The following HIBCH variants were observed in gnomAD, a reference collection of about 807,000 sequenced individuals.
The protein encoded by HIBCH is 3-hydroxyisobutyryl-CoA hydrolase.
In HIBCH, 50 loss-of-function variants were observed where a neutral mutation model predicts 58.2. The observed-to-expected ratio is 0.86, with a 90% CI of 0.68 to 1.09. The LOEUF is 1.09. Among genes scored for constraint, HIBCH ranks in the 50% least tolerant of loss-of-function variants. HIBCH has a pLI of 0.00. For synonymous variants in HIBCH, 151 were observed against 146.9 expected (o/e 1.03, Z -0.20); for missense variants, 450 against 449.7 (o/e 1.00, Z -0.01).
In HIBCH at chr2:190,221,078, C is replaced by G. The variant is rs1250162624; in HGVS notation, c.892-8003G>C. On this transcript the variant is annotated intron_variant, in intron 11 of 13. Coordinates refer to ENST00000359678, the MANE Select transcript of HIBCH (RefSeq NM_014362.4). ...GAAAGGCCGCACAGGACCCGTTTAT[C>G]TGTGCTTGTTTCATACACACACAAA... Among the ~76,000 whole-genome samples, 3 of 141,454 alleles carry G rather than the reference C, an allele frequency of 2.1e-5. No individual in the cohort carries two copies. The East Asian group carries it at 5.9e-4, about 28-fold the overall frequency. 92.8% of individuals were successfully genotyped at this position (141,454 alleles called of 152,430 possible).
chr2:190,278,652 A>G (rs1368638731), intron 6 of HIBCH, among the ~76,000 whole-genome samples: 2 of 148,932 alleles, frequency 1.3e-5, no homozygotes, highest in Non-Finnish European at 3.0e-5. Flanking sequence ...TTACCTTCAC[A>G]TTGGTAACAC....
chr2:190,310,274 C>T (rs1470264725), intron 2 of HIBCH, among the ~76,000 whole-genome samples: 1 of 152,208 alleles, frequency 6.6e-6, no homozygotes, highest in African/African-American at 2.4e-5. Flanking sequence ...GGCTTCCTTG[C>T]TCCTCAATTT....
At chr2:190,231,208 A>G (rs1686086027) in intron 11 of HIBCH, among the ~76,000 whole-genome samples, 1 of 152,212 alleles carries the variant, frequency 6.6e-6, no homozygotes, top group Non-Finnish European at 1.5e-5. Flanking sequence ...TACGCACAAA[A>G]AATTAATGTG....
chr2:190,302,979 C>G (rs1688307297), intron 2 of HIBCH, among the ~76,000 whole-genome samples: 1 of 152,162 alleles, frequency 6.6e-6, no homozygotes, highest in Non-Finnish European at 1.5e-5. Flanking sequence ...TCTGCAACTG[C>G]TTTGCATATA....
At chr2:190,191,518 T>G (rs1375534008) in intron 1 of HIBCH, among the ~76,000 whole-genome samples, 1 of 152,148 alleles carries the variant, frequency 6.6e-6, no homozygotes, top group Non-Finnish European at 1.5e-5. Flanking sequence ...GATTGCTGGG[T>G]CTTCTATGTG....
chr2:190,259,853 T>C (rs1384991836), intron 7 of HIBCH, among the ~76,000 whole-genome samples: 5 of 152,208 alleles, frequency 3.3e-5, no homozygotes, highest in Admixed American at 6.5e-5. Flanking sequence ...TCTTGCCTAA[T>C]TGCTCTGGCA....
intron 11 of HIBCH, among the ~76,000 whole-genome samples, chr2:190,228,646 T>A (rs1455293442): frequency 1.3e-5 from 2 of 152,156 alleles, no homozygotes; most frequent in African/African-American, 4.8e-5. Context: ...TGTATTGATA[T>A]AATTTTGTAC....
chr2:190,284,460 G>C (rs1687783270), intron 6 of HIBCH, among the ~76,000 whole-genome samples: 1 of 152,126 alleles, frequency 6.6e-6, no homozygotes. Flanking sequence ...GGAGTCTTGA[G>C]TTATAACTTT....
chr2:190,318,400 G>A (rs796124034), intron 1 of HIBCH, among the ~76,000 whole-genome samples: 35 of 152,272 alleles, frequency 2.3e-4, no homozygotes, highest in African/African-American at 7.7e-4. Context: ...CATGGCCCAA[G>A]GCCTTTTTTC....
Position 190,209,804 on chromosome 2 carries a change from G to C in HIBCH, c.1012-891C>G, listed in dbSNP as rs750774775. Reference sequence around the variant, plus strand: ...AATCATCGATGTAGGCAATATAGCTGAGTTCAAATGTCTAGGTTCACATCC... The same window carrying C: ...AATCATCGATGTAGGCAATATAGCTCAGTTCAAATGTCTAGGTTCACATCC... On this transcript the variant is annotated intron_variant, in intron 12 of 13. Transcript: ENST00000359678. This position sits in a 1 kb window ranked among gnomAD's most constrained non-coding sequence, Gnocchi z 5.6. 2.0e-5 allele frequency among the ~76,000 whole-genome samples: 3 copies of C among 152,150 alleles called. No homozygotes were observed. The highest frequency in any genetic ancestry group is 4.4e-5 in the Non-Finnish European group (3 of 68,030).
intron 6 of HIBCH, among the ~76,000 whole-genome samples, chr2:190,264,025 G>A (rs149006506): frequency 1.4e-4 from 21 of 152,242 alleles, no homozygotes; most frequent in African/African-American, 4.8e-4. Context: ...CCAGGCTGGT[G>A]TATCTTGCTT....
intron 1 of HIBCH, among the ~76,000 whole-genome samples, chr2:190,191,214 T>A (rs990800443): frequency 2.6e-5 from 4 of 152,176 alleles, no homozygotes; most frequent in Non-Finnish European, 4.4e-5. Context: ...CTCAGCTCAC[T>A]GCAACCTCTG....
At chr2:190,285,617 T>C (rs1866850) in intron 6 of HIBCH, among the ~76,000 whole-genome samples, 108,161 of 151,930 alleles carry the variant, frequency 0.71, 39,154 homozygotes, top group Non-Finnish European at 0.75. Flanking sequence ...CCTTAAAACA[T>C]TGAACAGGTG....
intron 11 of HIBCH, among the ~76,000 whole-genome samples, chr2:190,224,017 G>A (rs562910432): frequency 3.3e-5 from 5 of 152,308 alleles, no homozygotes; most frequent in South Asian, 4.1e-4. Flanking sequence ...AAGGGAAACC[G>A]TGACAGACGG....
chr2:190,266,437 T>G (rs1169088453), intron 6 of HIBCH, among the ~76,000 whole-genome samples: 1 of 151,736 alleles, frequency 6.6e-6, no homozygotes, highest in African/African-American at 2.4e-5. Context: ...TCATTTTTAC[T>G]TATTTATTTA....
At chr2:190,314,345 ATGTG>A (rs777308195) in intron 1 of HIBCH, among the ~76,000 whole-genome samples, 57 of 41,536 alleles carry the variant, frequency 1.4e-3, no homozygotes, top group Middle Eastern at 0.017. Context: ...ATACATATAT[ATGTG>A]TATATATACG....
intron 11 of HIBCH, among the ~76,000 whole-genome samples, chr2:190,237,954 AATG>A (rs1686330277): frequency 6.6e-6 from 1 of 152,088 alleles, no homozygotes. Flanking sequence ...GTTTGCCGAG[AATG>A]ATGGTTTCCA....
chr2:190,274,003 T>C (rs1687479618), intron 6 of HIBCH, among the ~76,000 whole-genome samples: 1 of 152,138 alleles, frequency 6.6e-6, no homozygotes, highest in African/African-American at 2.4e-5. Context: ...AGTCTCGCTA[T>C]ATTGCCTAGG....
At chr2:190,296,557 CA>C (rs1038252230) in intron 3 of HIBCH, among the ~76,000 whole-genome samples, 2 of 152,058 alleles carry the variant, frequency 1.3e-5, no homozygotes, top group African/African-American at 4.8e-5. Context: ...AGTGACAGAA[CA>C]CAAAAAGAAA....
Sources: allele counts gnomAD v4.1 joint callset (sites outside exome capture counted in the v4.1 genomes callset), GRCh38; gene constraint gnomAD v4.1.1; non-coding constraint Gnocchi (gnomAD v3.1); transcripts MANE v1.5; gene names NCBI Gene and HGNC (gene_info 2026-07-23, HGNC 2026-07-21).